The following ELF1 variants were observed in gnomAD, a reference collection of about 807,000 sequenced individuals.
ELF1 encodes E74 like ETS transcription factor 1, also known as ETS-related transcription factor Elf-1.
Under a neutral mutation model 59.9 loss-of-function variants are expected in ELF1, and 24 were observed. The ratio of observed to expected loss-of-function variants is 0.40; its 90% CI spans 0.29 to 0.56. The LOEUF (loss-of-function observed/expected upper bound fraction) is 0.56, where lower values mean the gene tolerates loss of function less well. Among genes scored for constraint, ELF1 ranks in the 20% least tolerant of loss-of-function variants. ELF1 has a pLI of 0.44. For missense variants in ELF1, 627 were observed against 742.2 expected (o/e 0.84, Z 1.80); for synonymous variants, 248 against 266.2 (o/e 0.93, Z 0.67).
At chr13:40,958,745 TA>T (rs1314903180) in intron 3 of ELF1, 90 bp downstream of exon 3, 8 of 1,457,722 alleles carry the variant, frequency 5.5e-6, no homozygotes, top group Non-Finnish European at 7.2e-6. Flanking sequence ...AAAACCAAGT[TA>T]GGGGCGTTTT....
At chr13:41,024,807 T>C (rs532668192) in intron 1 of ELF1, among the ~76,000 whole-genome samples, 92 of 152,202 alleles carry the variant, frequency 6.0e-4, no homozygotes, top group Non-Finnish European at 1.1e-3. Flanking sequence ...AATCTAATTT[T>C]TATACTGAGT....
chr13:40,981,946 A>T, intron 2 of ELF1, 37 bp downstream of exon 2: 2 of 1,591,746 alleles, frequency 1.3e-6, no homozygotes, highest in South Asian at 2.3e-5. Context: ...AAATCATAAT[A>T]AAGTCATTAA....
intron 3 of ELF1, among the ~76,000 whole-genome samples, chr13:40,953,951 C>T (rs925772843): frequency 1.3e-5 from 2 of 152,144 alleles, no homozygotes; most frequent in Admixed American, 6.5e-5. Context: ...ACACTCCTTC[C>T]GGAAAGACAT....
intron 2 of ELF1, among the ~76,000 whole-genome samples, chr13:40,967,881 C>T (rs1297824309): frequency 3.3e-5 from 5 of 152,032 alleles, no homozygotes; most frequent in Admixed American, 2.6e-4. Flanking sequence ...GTGTGAGCCA[C>T]CATGCCTTGT....
chr13:41,001,764 G>A (rs1358784414), intron 1 of ELF1, among the ~76,000 whole-genome samples: 1 of 152,114 alleles, frequency 6.6e-6, no homozygotes, highest in African/African-American at 2.4e-5. Flanking sequence ...GGGGGCTGAA[G>A]CAGGAAGATC....
chr13:41,032,518 A>C (rs1242508826), intron 1 of ELF1, among the ~76,000 whole-genome samples: 1 of 152,002 alleles, frequency 6.6e-6, no homozygotes, highest in African/African-American at 2.4e-5. Context: ...GCGCCCAGCG[A>C]TATTTATTAA....
intron 1 of ELF1, among the ~76,000 whole-genome samples, chr13:41,059,922 G>A (rs1323541579): frequency 6.6e-6 from 1 of 152,180 alleles, no homozygotes; most frequent in Non-Finnish European, 1.5e-5. Flanking sequence ...CCTTTGGAAA[G>A]TCGATATACT....
intron 8 of ELF1, among the ~76,000 whole-genome samples, chr13:40,937,623 C>G (rs1387645238): frequency 1.3e-5 from 2 of 152,104 alleles, no homozygotes; most frequent in Non-Finnish European, 2.9e-5. Context: ...GCGCCCGCCA[C>G]TACGCCTAGC....
intron 1 of ELF1, among the ~76,000 whole-genome samples, chr13:40,996,752 A>T (rs765216215): frequency 6.6e-6 from 1 of 152,100 alleles, no homozygotes; most frequent in Non-Finnish European, 1.5e-5. Flanking sequence ...TTTTACTGTG[A>T]ATCTAAAATG....
At chr13:41,010,691 A>G (rs1875014879) in intron 1 of ELF1, among the ~76,000 whole-genome samples, 1 of 152,154 alleles carries the variant, frequency 6.6e-6, no homozygotes, top group South Asian at 2.1e-4. Context: ...AACATCAAGA[A>G]TAATATGTAA....
At chr13:41,007,747 C>T (rs1268613451) in intron 1 of ELF1, among the ~76,000 whole-genome samples, 2 of 152,168 alleles carry the variant, frequency 1.3e-5, no homozygotes, top group Admixed American at 1.3e-4. Context: ...TAATCAACCC[C>T]TAATTTTTAG....
intron 1 of ELF1, among the ~76,000 whole-genome samples, chr13:41,043,458 A>C (rs895240607): frequency 7.9e-5 from 12 of 152,138 alleles, no homozygotes; most frequent in Non-Finnish European, 1.6e-4. Flanking sequence ...TAAGTCTTTA[A>C]TCCATCTTTA....
rs538069880 is a variant in ELF1 at position 41,024,591 on chromosome 13, G to A, written c.-229+36247C>T. On this transcript the variant is annotated intron_variant, in intron 1 of 1. Transcript: ENST00000405737. The stretch of plus-strand genomic sequence containing the variant: ...AGGGTTTTGCCATGTTGCCAAGGCT[G>A]GTCTCAAACTCCTGAGCTCAAGCGA... 2.0e-5 allele frequency among the ~76,000 whole-genome samples: 3 copies of A among 152,176 alleles called. No homozygotes were observed. The South Asian group carries it at 6.2e-4, about 32-fold the overall frequency.
chr13:40,990,005 T>C (rs997017194), intron 1 of ELF1, among the ~76,000 whole-genome samples: 39 of 147,856 alleles, frequency 2.6e-4, no homozygotes, highest in Admixed American at 1.3e-3. Flanking sequence ...CTAATAAACA[T>C]TGGTGGAGTA....
intron 2 of ELF1, among the ~76,000 whole-genome samples, chr13:40,976,682 CA>C (rs1244034678): frequency 6.6e-6 from 1 of 152,180 alleles, no homozygotes; most frequent in East Asian, 1.9e-4. Context: ...GCTGGGATTA[CA>C]GGCATGCACC....
chr13:41,025,232 A>G (rs1055618296), intron 1 of ELF1, among the ~76,000 whole-genome samples: 1 of 152,010 alleles, frequency 6.6e-6, no homozygotes, highest in Non-Finnish European at 1.5e-5. Flanking sequence ...TCACTTCCTT[A>G]TCACTGTTCC....
chr13:40,998,582 A>G (rs1874245245), intron 1 of ELF1, among the ~76,000 whole-genome samples: 1 of 152,254 alleles, frequency 6.6e-6, no homozygotes, highest in Admixed American at 6.5e-5. Flanking sequence ...TAAATTATAC[A>G]TTAACTTTAT....
chr13:41,054,943 G>A (rs1303979914), intron 1 of ELF1, among the ~76,000 whole-genome samples: 1 of 152,204 alleles, frequency 6.6e-6, no homozygotes, highest in Non-Finnish European at 1.5e-5. Context: ...TCCTTGTCAA[G>A]GGGCTTCGTA....
At chr13:41,027,247 T>C (rs1804140727) in intron 1 of ELF1, among the ~76,000 whole-genome samples, 1 of 152,218 alleles carries the variant, frequency 6.6e-6, no homozygotes, top group Admixed American at 6.5e-5. Flanking sequence ...CTCTCCTAAC[T>C]GGGCAAAGGA....
Sources: gnomAD v4.1 joint callset for allele counts (sites outside exome capture counted in the v4.1 genomes callset) on GRCh38, gnomAD v4.1.1 for gene constraint, MANE v1.5 for transcripts, NCBI Gene and HGNC (gene_info 2026-07-23, HGNC 2026-07-21) for gene names.